Variants in PATJ observed in about 807,000 individuals in gnomAD.
PATJ encodes the protein PATJ crumbs cell polarity complex component, also known as inaD-like protein.
PATJ carries 190 observed loss-of-function variants against 224.9 expected under a neutral mutation model. The ratio of observed to expected loss-of-function variants is 0.84; its 90% CI spans 0.75 to 0.95. PATJ has a LOEUF of 0.95. PATJ is among the 40% of genes least tolerant of loss of function. The pLI is 0.00. For missense variants in PATJ, 2,121 were observed against 2,270.3 expected, an observed-to-expected ratio of 0.93 and a Z score of 1.34; for synonymous variants, 769 against 820.3, an observed-to-expected ratio of 0.94 and a Z score of 1.07.
intron 29 of PATJ, among the ~76,000 whole-genome samples, chr1:62,030,130 G>T (rs1648930956): frequency 6.6e-6 from 1 of 152,138 alleles, no homozygotes; most frequent in African/African-American, 2.4e-5. Flanking sequence ...AAAGAAAAAA[G>T]AAGAATAAAG....
chr1:61,854,811 T>C (rs573441657), intron 17 of PATJ, among the ~76,000 whole-genome samples: 173 of 152,338 alleles, frequency 1.1e-3, no homozygotes, highest in Middle Eastern at 3.4e-3. Context: ...GTAGTGGAGA[T>C]ATAAATTGGT....
chr1:61,985,987 G>A (rs1166485294), intron 27 of PATJ, among the ~76,000 whole-genome samples: 1 of 151,912 alleles, frequency 6.6e-6, no homozygotes, highest in Non-Finnish European at 1.5e-5. Context: ...GGCATTTTTA[G>A]GCAACATCCA....
At chr1:61,859,696 C>A (rs1045691564) in intron 18 of PATJ, among the ~76,000 whole-genome samples, 119 of 152,026 alleles carry the variant, frequency 7.8e-4, no homozygotes, top group African/African-American at 2.8e-3. Context: ...CTCAGCTCAC[C>A]GCAACCTCCG....
At chr1:62,145,464 C>T (rs754923868) in intron 41 of PATJ, among the ~76,000 whole-genome samples, 6 of 152,078 alleles carry the variant, frequency 3.9e-5, no homozygotes, top group Non-Finnish European at 8.8e-5. Flanking sequence ...GAGTTTAAGA[C>T]CAGCCTGAGC....
intron 22 of PATJ, among the ~76,000 whole-genome samples, chr1:61,887,061 A>G (rs1668990199): frequency 6.6e-6 from 1 of 151,872 alleles, no homozygotes; most frequent in Non-Finnish European, 1.5e-5. Flanking sequence ...ATGTGTATAT[A>G]TATAATGTAT....
intron 7 of PATJ, among the ~76,000 whole-genome samples, chr1:61,778,824 C>T (rs1647080767): frequency 6.6e-6 from 1 of 152,008 alleles, no homozygotes; most frequent in Non-Finnish European, 1.5e-5. Context: ...CCTCAGGCTC[C>T]CAAGTAGCTG....
At position 61,856,222 on chromosome 1, in the gene PATJ, A is replaced by T. The variant is rs756388584; in HGVS notation, c.2305A>T (p.Ile769Phe). The T allele has an allele frequency of 6.2e-7, 1 of 1,613,804 alleles. No homozygotes were observed. Among genetic ancestry groups the T allele is most frequent in the Admixed American group, 1.7e-5 (1 of 60,026 alleles). Reference sequence around the variant, plus strand: ...GCCACCAGGCCTAGTACACCTTGGCATCTGTAAGCCTTTGGTGGTAAGTGT... The same window carrying T: ...GCCACCAGGCCTAGTACACCTTGGCTTCTGTAAGCCTTTGGTGGTAAGTGT... ...AVPPGLVHLG[I>F]CKPLVEDNEE... Residue 769 changes from isoleucine to phenylalanine, a missense_variant, in exon 18 of 44, where the codon ATC becomes TTC. Transcript: ENST00000642238.
chr1:62,024,579 T>C lies in PATJ; in HGVS notation c.3959+6632T>C, dbSNP rs140077176. 8.6e-5 allele frequency among the ~76,000 whole-genome samples: 13 copies of C among 152,012 alleles called. No individual in the cohort carries two copies. The East Asian group carries it at 2.5e-3, about 29-fold the overall frequency. ...GATGACATGAGCTTGCTTTTTTTCT[T>C]TTTTGCTGGTCAATATTTATACTAT... On this transcript the variant is annotated intron_variant, in intron 29 of 43. Coordinates refer to ENST00000642238, the MANE Select transcript of PATJ (RefSeq NM_001350145.3).
intron 29 of PATJ, among the ~76,000 whole-genome samples, chr1:62,024,690 ACACACACAC>A (rs1310264607): frequency 1.4e-5 from 2 of 143,636 alleles, no homozygotes; most frequent in African/African-American, 5.6e-5. Context: ...ACACACACAC[ACACACACAC>A]ACACACACAC....
intron 30 of PATJ, among the ~76,000 whole-genome samples, chr1:62,045,349 G>A (rs1367216363): frequency 6.6e-6 from 1 of 151,978 alleles, no homozygotes; most frequent in Non-Finnish European, 1.5e-5. Context: ...TGTTCAGTTT[G>A]AAGAAAATTA....
chr1:61,844,901 G>T (rs527493303), intron 17 of PATJ, among the ~76,000 whole-genome samples: 3 of 152,134 alleles, frequency 2.0e-5, no homozygotes, highest in Non-Finnish European at 2.9e-5. Context: ...GTTACACCAT[G>T]ATTGTGAGTT....
At chr1:61,763,976 CT>C (rs535782726) in intron 3 of PATJ, among the ~76,000 whole-genome samples, 1 of 149,742 alleles carries the variant, frequency 6.7e-6, no homozygotes, top group African/African-American at 2.5e-5. Context: ...CTTATGAAGT[CT>C]TTTTTTGTGT....
intron 29 of PATJ, among the ~76,000 whole-genome samples, chr1:62,021,983 A>G (rs1354350844): frequency 6.6e-6 from 1 of 152,136 alleles, no homozygotes; most frequent in Non-Finnish European, 1.5e-5. Flanking sequence ...CTTAGTTGAA[A>G]TTATTCTCTG....
intron 28 of PATJ, among the ~76,000 whole-genome samples, chr1:61,992,114 A>ACTCTTTTTTTTTTTTTTTTTTTTTTTT (rs1370780986): frequency 7.6e-6 from 1 of 131,834 alleles, no homozygotes. Flanking sequence ...TCCCTGTGGG[A>ACTCTTTTTTTTTTTTTTTTTTTTTTTT]TTCTTTTTTT....
intron 27 of PATJ, among the ~76,000 whole-genome samples, chr1:61,962,230 A>G (rs2149429600): frequency 1.3e-5 from 2 of 152,184 alleles, no homozygotes; most frequent in East Asian, 3.9e-4. Flanking sequence ...AGAATAGTCT[A>G]TCTTGATTAA....
chr1:62,041,313 C>A (rs958303711), intron 30 of PATJ, among the ~76,000 whole-genome samples: 2 of 152,188 alleles, frequency 1.3e-5, no homozygotes, highest in Non-Finnish European at 2.9e-5. Flanking sequence ...GGTTTTCCTG[C>A]ATCTGCTTCT....
chr1:61,796,830 C>T (rs1466000814), intron 10 of PATJ, among the ~76,000 whole-genome samples: 1 of 147,338 alleles, frequency 6.8e-6, no homozygotes, highest in Admixed American at 6.9e-5. Flanking sequence ...CCTTCCTTCC[C>T]TCCCTCCCTC....
intron 31 of PATJ, 97 bp downstream of exon 31, chr1:62,051,155 T>A (rs573066426): frequency 4.1e-5 from 36 of 887,006 alleles, no homozygotes; most frequent in Middle Eastern, 4.4e-4. Context: ...CATGTTTGCT[T>A]CTCTCAGGAA....
In PATJ at chr1:61,980,225, C is replaced by T. The variant is rs562359189; in HGVS notation, c.3671-9943C>T. ...GCTTGAGCCCAGGAGGTTGGGGCTG[C>T]AGTGAGCCATGATTATGCCGCTGAA... is the stretch of plus-strand genomic sequence containing the variant. On this transcript the variant is annotated intron_variant, in intron 27 of 43. Coordinates refer to ENST00000642238, the MANE Select transcript of PATJ (RefSeq NM_001350145.3). 5.3e-4 allele frequency among the ~76,000 whole-genome samples: 81 copies of T among 151,930 alleles called. 1 individual carries two copies. Among genetic ancestry groups the T allele is most frequent in the African/African-American group, 1.8e-3 (76 of 41,302 alleles).
Sources: allele counts gnomAD v4.1 joint callset (sites outside exome capture counted in the v4.1 genomes callset), GRCh38; gene constraint gnomAD v4.1.1; transcripts MANE v1.5; gene names NCBI Gene and HGNC (gene_info 2026-07-23, HGNC 2026-07-21).